REV1: variants seen among roughly 807,000 people sequenced by gnomAD.
The protein encoded by REV1 is REV1 DNA directed polymerase.
In REV1, 42 loss-of-function variants were observed where a neutral mutation model predicts 137.4. The observed-to-expected ratio is 0.31, with a 90% CI of 0.24 to 0.40. REV1 has a LOEUF of 0.40. Among genes scored for constraint, REV1 ranks in the 10% least tolerant of loss-of-function variants. The probability of loss-of-function intolerance (pLI) is 1.00; values close to 1 mark genes in which losing one functional copy is unlikely to be tolerated. For missense variants in REV1, 1,282 were observed against 1,490.1 expected, an observed-to-expected ratio of 0.86 and a Z score of 2.30; for synonymous variants, 524 against 519.2, an observed-to-expected ratio of 1.01 and a Z score of -0.12.
intron 1 of REV1, among the ~76,000 whole-genome samples, chr2:99,480,367 C>T (rs1210982335): frequency 6.6e-6 from 1 of 152,062 alleles, no homozygotes; most frequent in Non-Finnish European, 1.5e-5. Context: ...CTAGAACTTA[C>T]CAGTATGTAG....
chr2:99,466,152 C>T (rs1253897914), intron 1 of REV1, among the ~76,000 whole-genome samples: 1 of 152,100 alleles, frequency 6.6e-6, no homozygotes, highest in African/African-American at 2.4e-5. Context: ...GGCGTTTCAC[C>T]ATGTGAGCCA....
At chr2:99,430,526 CAT>C (rs376853594) in intron 8 of REV1, among the ~76,000 whole-genome samples, 13 of 152,272 alleles carry the variant, frequency 8.5e-5, no homozygotes, top group East Asian at 5.8e-4. Flanking sequence ...CTTTTGTACA[CAT>C]GTCACATTAT....
intron 13 of REV1, 149 bp from the exon 14 acceptor site, chr2:99,411,016 G>A (rs1677063084): frequency 1.5e-6 from 1 of 657,542 alleles, no homozygotes; most frequent in Non-Finnish European, 2.4e-6. Context: ...GCCAGGCGCG[G>A]TGGCTCACAC....
chr2:99,454,699 C>G (rs1309529554), intron 3 of REV1, among the ~76,000 whole-genome samples: 1 of 151,582 alleles, frequency 6.6e-6, no homozygotes, highest in Admixed American at 6.6e-5. Context: ...GAGCTATGAT[C>G]AGTCTACTGC....
Position 99,418,240 on chromosome 2 carries a change from A to AAC in REV1, c.1951+586_1951+587dup, listed in dbSNP as rs1201303890. On this transcript the variant is annotated intron_variant, in intron 12 of 22. Transcript: ENST00000258428. ...CAGAGGCACTTTATAATAAATAGGTAACTACACAAAAATATGAAATAACTG... is the reference window on the plus strand; with the variant it reads ...CAGAGGCACTTTATAATAAATAGGTAACACTACACAAAAATATGAAATAACTG... Among the ~76,000 whole-genome samples, 5 of 152,364 alleles carry AAC rather than the reference A, an allele frequency of 3.3e-5. No homozygotes were observed. In the East Asian group the frequency reaches 9.6e-4, roughly 29 times the overall value.
intron 3 of REV1, among the ~76,000 whole-genome samples, chr2:99,460,811 A>G (rs1402961041): frequency 6.6e-6 from 1 of 152,320 alleles, no homozygotes; most frequent in Non-Finnish European, 1.5e-5. Flanking sequence ...GATAGAGATA[A>G]TAACAGATCT....
intron 1 of REV1, among the ~76,000 whole-genome samples, chr2:99,465,329 A>G (rs955198519): frequency 5.9e-5 from 9 of 152,222 alleles, no homozygotes; most frequent in African/African-American, 1.4e-4. Context: ...TTACCATTAT[A>G]TAAGACAATC....
At chr2:99,412,568 C>T (rs528080287) in intron 13 of REV1, among the ~76,000 whole-genome samples, 163 bp downstream of exon 13, 75 of 152,272 alleles carry the variant, frequency 4.9e-4, no homozygotes, top group African/African-American at 1.6e-3. Context: ...TGGGGCTACA[C>T]CTTACCACAC....
intron 9 of REV1, among the ~76,000 whole-genome samples, chr2:99,426,977 G>A (rs535620633): frequency 6.6e-6 from 1 of 152,294 alleles, no homozygotes; most frequent in Admixed American, 6.5e-5. Context: ...GAGGTCAGGA[G>A]TTCAAGACCA....
chr2:99,433,491 T>C (rs1680371256), intron 8 of REV1, among the ~76,000 whole-genome samples: 1 of 152,198 alleles, frequency 6.6e-6, no homozygotes, highest in Admixed American at 6.5e-5. Context: ...TCAGAGATGT[T>C]CGCTGGCTTT....
intron 8 of REV1, 79 bp from the exon 9 acceptor site, chr2:99,430,027 T>C: frequency 1.3e-6 from 1 of 784,282 alleles, no homozygotes; most frequent in Non-Finnish European, 1.9e-6. Flanking sequence ...TTGTTTTCCA[T>C]TACTTTCATA....
intron 1 of REV1, among the ~76,000 whole-genome samples, chr2:99,484,035 AC>A (rs201673753): frequency 0.14 from 21,726 of 152,218 alleles, 1,721 homozygotes; most frequent in East Asian, 0.25. Context: ...TTATGTAAAA[AC>A]ATCCCACCTA....
intron 16 of REV1, 97 bp downstream of exon 16, chr2:99,406,228 T>TA: frequency 4.2e-6 from 6 of 1,438,140 alleles, no homozygotes; most frequent in Non-Finnish European, 5.6e-6. Flanking sequence ...TATAAATTTT[T>TA]AAAATCACAT....
In REV1 at chr2:99,408,040, C is replaced by T; in HGVS notation, c.2437G>A (p.Asp813Asn). 1 of 1,577,158 alleles carries T rather than the reference C, an allele frequency of 6.3e-7. No homozygotes were observed. The highest frequency in any genetic ancestry group is 8.7e-7 in the Non-Finnish European group (1 of 1,154,046). Residue 813 changes from aspartate (D) to asparagine (N), a missense_variant, in exon 15 of 23, where the codon GAT (aspartate) becomes AAT (asparagine). Coordinates refer to ENST00000258428, the MANE Select transcript of REV1 (RefSeq NM_016316.4). Reference sequence around the variant, plus strand: ...TACTATATACTTACCCCTCTCATATCTGATATATTTAGTTTCATTGTATGA... The same window carrying T: ...TACTATATACTTACCCCTCTCATATTTGATATATTTAGTTTCATTGTATGA... ...MFHTMKLNIS[D>N]MRGVGIHVNQ...
At chr2:99,443,973 C>CA (rs1282083087) in intron 4 of REV1, among the ~76,000 whole-genome samples, 1 of 152,140 alleles carries the variant, frequency 6.6e-6, no homozygotes, top group Non-Finnish European at 1.5e-5. Flanking sequence ...CGCCTGCCAC[C>CA]ACGCCCGGCT....
intron 3 of REV1, chr2:99,451,324 A>G: frequency 1.7e-6 from 2 of 1,202,818 alleles, no homozygotes; most frequent in South Asian, 3.1e-5. Context: ...CTTTCCATAT[A>G]CATACTCATA....
At chr2:99,449,917 G>C (rs1355283861) in intron 3 of REV1, among the ~76,000 whole-genome samples, 1 of 152,058 alleles carries the variant, frequency 6.6e-6, no homozygotes, top group Non-Finnish European at 1.5e-5. Flanking sequence ...CACTCCTCCA[G>C]AGTATACAAG....
chr2:99,483,404 CTGAGGTCAGTAAGCAACACTT>C (rs1473358914), intron 1 of REV1, among the ~76,000 whole-genome samples: 2 of 152,164 alleles, frequency 1.3e-5, no homozygotes, highest in African/African-American at 4.8e-5. Flanking sequence ...TCAGGAATGA[CTGAGGTCAGTAAGCAACACTT>C]TGCTTAATAG....
Position 99,464,999 on chromosome 2 carries a change from G to GA in REV1, c.-10-15dup, listed in dbSNP as rs200733171. 7.8e-3 allele frequency: 11,415 copies of GA among 1,456,202 alleles called. 106 individuals carry two copies. The Admixed American group carries it at 0.084, about 11-fold the overall frequency. The allele number at this position is 1,456,202 out of a possible 1,614,324, so 90.2% of individuals were successfully genotyped here. A position where few individuals can be genotyped will look rare whatever the true frequency, so the allele number is the denominator to read the frequency against. On this transcript the variant is annotated splice_polypyrimidine_tract_variant and intron_variant, in intron 1 of 22. Coordinates refer to ENST00000258428, the MANE Select transcript of REV1 (RefSeq NM_016316.4). ...ATGGTGGAGCTTCTGTATTGGGGAG[G>GA]AAAAAAAAAATGTCAATTTTATAAC...
Sources: allele counts gnomAD v4.1 joint callset (sites outside exome capture counted in the v4.1 genomes callset), GRCh38; gene constraint gnomAD v4.1.1; transcripts MANE v1.5; gene names NCBI Gene and HGNC (gene_info 2026-07-23, HGNC 2026-07-21).